The following COL24A1 variants were observed in gnomAD, a reference collection of about 807,000 sequenced individuals.
COL24A1 encodes the protein collagen type XXIV alpha 1 chain.
A neutral mutation model predicts 253.9 loss-of-function variants in COL24A1; 224 were observed. The ratio of observed to expected loss-of-function variants is 0.88; its 90% CI spans 0.79 to 0.99. COL24A1 has a LOEUF of 0.99. Among genes scored for constraint, COL24A1 ranks in the 50% least tolerant of loss-of-function variants. COL24A1 has a pLI of 0.00. For missense variants in COL24A1, 2,131 were observed against 2,068.5 expected, an observed-to-expected ratio of 1.03 and a Z score of -0.59; for synonymous variants, 685 against 673.7, an observed-to-expected ratio of 1.02 and a Z score of -0.26.
intron 24 of COL24A1, among the ~76,000 whole-genome samples, chr1:85,926,855 A>G (rs1471743673): frequency 1.3e-5 from 2 of 152,036 alleles, no homozygotes; most frequent in Non-Finnish European, 2.9e-5. Flanking sequence ...GTCAAAAAGG[A>G]GGAGAACCAG....
At chr1:85,990,173 T>C (rs891201102) in intron 19 of COL24A1, among the ~76,000 whole-genome samples, 6 of 152,208 alleles carry the variant, frequency 3.9e-5, no homozygotes, top group South Asian at 4.1e-4. Flanking sequence ...TCGTGGCTTG[T>C]TGTAGCCCCT....
chr1:85,906,264 C>CTTTTTTTT lies in COL24A1; in HGVS notation c.2778+922_2778+929dup, dbSNP rs10526604. Among the ~76,000 whole-genome samples, 263 of 77,842 alleles carry CTTTTTTTT rather than the reference C, an allele frequency of 3.4e-3. 37 individuals carry two copies. Among genetic ancestry groups the CTTTTTTTT allele is most frequent in the South Asian group, 0.021 (42 of 1,982 alleles). 51.1% of individuals were successfully genotyped at this position (77,842 alleles called of 152,430 possible). On this transcript the variant is annotated intron_variant, in intron 28 of 59. Coordinates refer to ENST00000370571, the MANE Select transcript of COL24A1 (RefSeq NM_152890.7). ...TTTGCCAACTGGAAAACTGCAAGGT[C>CTTTTTTTT]TTTTTTTTTTTTTACCATGGTTAGG...
intron 32 of COL24A1, among the ~76,000 whole-genome samples, chr1:85,880,202 T>G (rs1258071881): frequency 1.3e-5 from 2 of 152,080 alleles, no homozygotes; most frequent in African/African-American, 4.8e-5. Flanking sequence ...TTGATAAAAG[T>G]TTACCTCATA....
intron 24 of COL24A1, among the ~76,000 whole-genome samples, chr1:85,944,084 C>G (rs147254863): frequency 1.3e-5 from 2 of 152,164 alleles, no homozygotes; most frequent in African/African-American, 4.8e-5. Flanking sequence ...TTCTACAGAT[C>G]TCAGCTCTTT....
intron 2 of COL24A1, among the ~76,000 whole-genome samples, chr1:86,136,267 C>A (rs1650231569): frequency 6.6e-6 from 1 of 151,988 alleles, no homozygotes; most frequent in South Asian, 2.1e-4. Flanking sequence ...TTCCCCAGAC[C>A]CTGTAGCACT....
chr1:85,897,757 T>C (rs1010741662), intron 28 of COL24A1, among the ~76,000 whole-genome samples: 3 of 152,154 alleles, frequency 2.0e-5, no homozygotes, highest in Non-Finnish European at 2.9e-5. Context: ...TGAATACCTG[T>C]GGAAAAGGAA....
chr1:86,110,683 C>T (rs1302234258), intron 5 of COL24A1, among the ~76,000 whole-genome samples: 1 of 152,144 alleles, frequency 6.6e-6, no homozygotes, highest in East Asian at 1.9e-4. Context: ...GCTTAGCACC[C>T]AGGCCAGCAG....
intron 22 of COL24A1, among the ~76,000 whole-genome samples, chr1:85,966,701 A>G (rs1383760091): frequency 6.6e-6 from 1 of 152,150 alleles, no homozygotes; most frequent in South Asian, 2.1e-4. Flanking sequence ...GAGTAATAAG[A>G]GGACTTTGAG....
intron 4 of COL24A1, 124 bp downstream of exon 4, chr1:86,115,201 T>A: frequency 1.2e-6 from 1 of 862,832 alleles, no homozygotes; most frequent in Non-Finnish European, 1.8e-6. Flanking sequence ...TTGGCTAAGG[T>A]AGGACTAAGT....
Position 85,868,835 on chromosome 1 carries a change from C to T in COL24A1, c.3139G>A (p.Gly1047Ser), listed in dbSNP as rs1224493907. The part of the protein sequence containing the change: ...VGGTGEPGLR[G>S]EPGAPGEEGL... ...TCTTCTCCAGGAGCTCCTGGTTCAC[C>T]CTATTTTGTAGCAGAAAGAGTATGA... Residue 1047 changes from glycine (G) to serine (S), a missense_variant and splice_region_variant, in exon 36 of 60, where the codon GGT becomes AGT. Gly to Ser is a moderately conservative substitution (Grantham distance 56, BLOSUM62 0). Coordinates refer to ENST00000370571, the MANE Select transcript of COL24A1 (RefSeq NM_152890.7). The T allele has an allele frequency of 2.5e-6, 4 of 1,583,804 alleles. No individual in the cohort carries two copies. Among genetic ancestry groups the T allele is most frequent in the Admixed American group, 1.8e-5 (1 of 56,042 alleles).
chr1:85,908,676 G>A (rs1685076542), intron 26 of COL24A1, 25 bp from the exon 27 acceptor site: 1 of 1,151,260 alleles, frequency 8.7e-7, no homozygotes, highest in East Asian at 2.8e-5. Flanking sequence ...AAATATAAAA[G>A]AAGTAAAATA....
chr1:85,845,944 CT>C (rs1206791362), intron 39 of COL24A1, among the ~76,000 whole-genome samples: 2 of 151,690 alleles, frequency 1.3e-5, no homozygotes, highest in African/African-American at 4.8e-5. Context: ...AAGAGTCAAA[CT>C]TTTTTGTAAA....
At chr1:86,091,236 G>GT (rs1703470065) in intron 6 of COL24A1, among the ~76,000 whole-genome samples, 1 of 151,840 alleles carries the variant, frequency 6.6e-6, no homozygotes, top group African/African-American at 2.4e-5. Flanking sequence ...AACATGTTGA[G>GT]TATGTACTCC....
chr1:85,863,213 T>A (rs1343748276), intron 37 of COL24A1, among the ~76,000 whole-genome samples: 1 of 152,190 alleles, frequency 6.6e-6, no homozygotes, highest in Non-Finnish European at 1.5e-5. Flanking sequence ...AAGGAGATTT[T>A]GGGCTGAGAC....
At chr1:85,747,770 C>G (rs1334285682) in intron 55 of COL24A1, among the ~76,000 whole-genome samples, 1 of 152,190 alleles carries the variant, frequency 6.6e-6, no homozygotes, top group Middle Eastern at 3.4e-3. Flanking sequence ...ATACCTTATA[C>G]CAAAACTTGA....
chr1:85,810,887 A>G (rs748370491), intron 47 of COL24A1, among the ~76,000 whole-genome samples: 1 of 152,156 alleles, frequency 6.6e-6, no homozygotes, highest in Non-Finnish European at 1.5e-5. Flanking sequence ...ATTTCTTTAT[A>G]GCAATGCAAG....
intron 47 of COL24A1, among the ~76,000 whole-genome samples, chr1:85,804,093 G>T (rs559461020): frequency 6.6e-6 from 1 of 152,204 alleles, no homozygotes; most frequent in Non-Finnish European, 1.5e-5. Flanking sequence ...TTATCAAATA[G>T]CTTAATTAAG....
rs1648012424 is a variant in COL24A1, at chr1:86,124,943, A to G, written c.1393T>C (p.Tyr465His). Residue 465 changes from tyrosine to histidine, a missense_variant, in exon 3 of 60, where the codon TAT (tyrosine) becomes CAT (histidine). Tyr to His is a moderately conservative substitution (Grantham distance 83). Transcript: ENST00000370571. ...TAATAATCATAAAGCTCAGTTTCAT[A>G]GCTATTTTCGATGGGATAAGTAGCA... ...PDATYPIENS[Y>H]ETELYDYYYY... is the part of the protein sequence containing the mutation. The G allele has an allele frequency of 1.2e-6, 2 of 1,612,754 alleles. No individual in the cohort carries two copies. The highest frequency in any genetic ancestry group is 1.7e-6 in the Non-Finnish European group (2 of 1,179,488).
chr1:86,002,219 A>G (rs1308204464), intron 19 of COL24A1, among the ~76,000 whole-genome samples: 2 of 152,206 alleles, frequency 1.3e-5, no homozygotes, highest in Non-Finnish European at 2.9e-5. Flanking sequence ...GGGGGATGTC[A>G]TAGATTAGTG....
Sources: allele counts gnomAD v4.1 joint callset (sites outside exome capture counted in the v4.1 genomes callset), GRCh38; gene constraint gnomAD v4.1.1; transcripts MANE v1.5; gene names NCBI Gene and HGNC (gene_info 2026-07-23, HGNC 2026-07-21).